Variants in EPHB2 observed in about 807,000 individuals in gnomAD.
EPHB2 encodes the protein EPH receptor B2.
EPHB2 carries 18 observed loss-of-function variants against 96.4 expected under a neutral mutation model. The ratio of observed to expected loss-of-function variants is 0.19; its 90% confidence interval spans 0.13 to 0.28. The LOEUF is 0.28. Ranked by LOEUF, EPHB2 falls within the 10% of genes least tolerant of loss-of-function variation. The probability of loss-of-function intolerance (pLI) is 1.00; values close to 1 mark genes in which losing one functional copy is unlikely to be tolerated. For synonymous variants in EPHB2, 506 were observed against 534.1 expected (o/e 0.95, Z 0.72); for missense variants, 989 against 1,355.4 (o/e 0.73, Z 4.25).
chr1:22,900,906 G>A (rs1035705665), intron 9 of EPHB2, among the ~76,000 whole-genome samples: 2 of 152,146 alleles, frequency 1.3e-5, no homozygotes, highest in African/African-American at 2.4e-5. Context: ...TCACCCACAC[G>A]GCCCCATGGT....
intron 9 of EPHB2, among the ~76,000 whole-genome samples, chr1:22,901,122 A>G (rs915100091): frequency 1.3e-5 from 2 of 152,246 alleles, no homozygotes; most frequent in African/African-American, 4.8e-5. Flanking sequence ...TGAGGATTAA[A>G]TGAATTAAGG....
chr1:22,715,324 G>C (rs1483330376), intron 1 of EPHB2, among the ~76,000 whole-genome samples: 1 of 152,178 alleles, frequency 6.6e-6, no homozygotes, highest in Non-Finnish European at 1.5e-5. Context: ...TTCAGAGGGA[G>C]CAGAGCATTC....
At chr1:22,740,274 T>G (rs61488959) in intron 1 of EPHB2, among the ~76,000 whole-genome samples, 16,959 of 152,254 alleles carry the variant, frequency 0.11, 1,195 homozygotes, top group East Asian at 0.28. Flanking sequence ...TGTGTCATGA[T>G]CAGTCTAATC....
chr1:22,728,572 A>AT (rs764873046), intron 1 of EPHB2, among the ~76,000 whole-genome samples: 1 of 152,148 alleles, frequency 6.6e-6, no homozygotes, highest in Non-Finnish European at 1.5e-5. Flanking sequence ...TGCTGGATAG[A>AT]CCATGTCTCT....
At position 22,921,158 on chromosome 1, in the gene EPHB2, G is replaced by C. The variant is rs1042504971; in HGVS notation, c.*7588G>C. 3 of 152,268 alleles carry C rather than the reference G, an allele frequency of 2.0e-5. No individual in the cohort carries two copies. Among genetic ancestry groups the C allele is most frequent in the African/African-American group, 7.2e-5 (3 of 41,442 alleles). 9.4% of individuals were successfully genotyped at this position (152,268 alleles called of 1,614,324 possible). A position where few individuals can be genotyped will look rare whatever the true frequency, so the allele number is the denominator to read the frequency against. On this transcript the variant is annotated 3_prime_UTR_variant, in exon 16 of 16. Transcript: ENST00000374630. ...TCAGAGCCATGGGCTGTGGGAGTGA[G>C]TGTGCACACTCCTTCTCCTGAAGTG...
rs187242160 is a variant in EPHB2, at chr1:22,778,326, C to G, written c.62-3095C>G. Reference sequence around the variant, plus strand: ...GTGTTTATTTTCCTTCCTTTTATGGCAAGTGATATTGGTTACCAAGCAAGG... The same window carrying G: ...GTGTTTATTTTCCTTCCTTTTATGGGAAGTGATATTGGTTACCAAGCAAGG... On this transcript the variant is annotated intron_variant, in intron 1 of 15. Transcript: ENST00000374630. Among the ~76,000 whole-genome samples the G allele has an allele frequency of 1.1e-3, 165 of 152,296 alleles. 1 individual carries two copies. Among genetic ancestry groups the G allele is most frequent in the Admixed American group, 9.7e-3 (148 of 15,308 alleles).
At chr1:22,907,826 G>T in intron 11 of EPHB2, 127 bp from the exon 12 acceptor site, 1 of 1,177,164 alleles carries the variant, frequency 8.5e-7, no homozygotes, top group Non-Finnish European at 1.3e-6. Flanking sequence ...AAGCATCTGA[G>T]TCCTTCCCCA....
Position 22,913,793 on chromosome 1 carries a change from A to AG in EPHB2, c.*228dup, listed in dbSNP as rs1640191823. The AG allele has an allele frequency of 7.5e-6, 12 of 1,605,248 alleles. No homozygotes were observed. Among genetic ancestry groups the AG allele is most frequent in the Non-Finnish European group, 8.5e-6 (10 of 1,173,876 alleles). On this transcript the variant is annotated 3_prime_UTR_variant, in exon 16 of 16. Transcript: ENST00000374630. The surrounding 1 kb of genome is among the most constrained non-coding windows in gnomAD (Gnocchi z 4.1). ...GGGAAAAAAGAAAACAGATCCTGGG[A>AG]GGGGGCGGGAAATACAAGGAATATT...
chr1:22,877,592 C>A, intron 5 of EPHB2, among the ~76,000 whole-genome samples: 1 of 152,288 alleles, frequency 6.6e-6, no homozygotes. Flanking sequence ...TGCTCCAAGA[C>A]CCTCTGAGCT....
At chr1:22,717,694 C>T (rs973448180) in intron 1 of EPHB2, among the ~76,000 whole-genome samples, 4 of 152,174 alleles carry the variant, frequency 2.6e-5, no homozygotes, top group African/African-American at 9.7e-5. Flanking sequence ...TATTAGTTTC[C>T]GTAACCATTA....
chr1:22,827,447 G>T (rs1645241312), intron 3 of EPHB2, among the ~76,000 whole-genome samples: 1 of 152,232 alleles, frequency 6.6e-6, no homozygotes, highest in African/African-American at 2.4e-5. Context: ...GTGGCCGCCA[G>T]CCTGGCCTTT....
chr1:22,843,945 A>G (rs1645504897), intron 3 of EPHB2, among the ~76,000 whole-genome samples: 1 of 152,246 alleles, frequency 6.6e-6, no homozygotes, highest in African/African-American at 2.4e-5. Flanking sequence ...TTCACTTAGG[A>G]TAATGGCCTC....
intron 5 of EPHB2, among the ~76,000 whole-genome samples, chr1:22,873,511 C>CAG (rs370862179): frequency 5.3e-5 from 8 of 151,162 alleles, no homozygotes; most frequent in African/African-American, 1.2e-4. Context: ...AAGCGAGAGT[C>CAG]AGAGAGAGAG....
intron 1 of EPHB2, among the ~76,000 whole-genome samples, chr1:22,760,636 G>A (rs551351823): frequency 1.4e-4 from 21 of 152,254 alleles, no homozygotes; most frequent in East Asian, 3.9e-4. Flanking sequence ...TCCCCTGTCC[G>A]GGAGGGTGAT....
chr1:22,887,497 G>A (rs984149436), intron 6 of EPHB2, among the ~76,000 whole-genome samples: 1 of 152,204 alleles, frequency 6.6e-6, no homozygotes, highest in African/African-American at 2.4e-5. Context: ...GGGCTCTCTA[G>A]GAGCGGGCCC....
intron 1 of EPHB2, among the ~76,000 whole-genome samples, chr1:22,736,470 G>C (rs978024310): frequency 6.6e-6 from 1 of 152,202 alleles, no homozygotes; most frequent in South Asian, 2.1e-4. Flanking sequence ...GCTCTGTTTA[G>C]CAGCCCCCAC....
Position 22,906,517 on chromosome 1 carries a change from T to C in EPHB2, c.1889-193T>C, listed in dbSNP as rs1481937348. Among the ~76,000 whole-genome samples the C allele has an allele frequency of 6.6e-6, 1 of 152,128 alleles. No individual in the cohort carries two copies. Among genetic ancestry groups the C allele is most frequent in the Non-Finnish European group, 1.5e-5 (1 of 68,016 alleles). The stretch of plus-strand genomic sequence containing the variant: ...GAGAACAACCATGAGGAATTTACTG[T>C]CCTCTCCCAGAGGTGACTGGAACTT... On this transcript the variant is annotated intron_variant, in intron 10 of 15. Transcript: ENST00000374630. The surrounding 1 kb of genome is among the most constrained non-coding windows in gnomAD (Gnocchi z 4.8).
chr1:22,907,859 C>A, intron 11 of EPHB2, 94 bp from the exon 12 acceptor site: 1 of 1,486,088 alleles, frequency 6.7e-7, no homozygotes, highest in Non-Finnish European at 9.4e-7. Flanking sequence ...GCCAGGCTGG[C>A]AGGGCCCTGC....
At chr1:22,880,878 G>A (rs1263611520) in intron 5 of EPHB2, among the ~76,000 whole-genome samples, 1 of 152,192 alleles carries the variant, frequency 6.6e-6, no homozygotes, top group Admixed American at 6.5e-5. Context: ...ATGAAATAAG[G>A]ACTCAAGAAC....
Sources: allele counts gnomAD v4.1 joint callset (sites outside exome capture counted in the v4.1 genomes callset), GRCh38; gene constraint gnomAD v4.1.1; non-coding constraint Gnocchi (gnomAD v3.1); transcripts MANE v1.5; gene names NCBI Gene and HGNC (gene_info 2026-07-23, HGNC 2026-07-21).